Variants in PEX5L observed in about 807,000 individuals in gnomAD.
PEX5L encodes the protein PEX5-related protein.
A neutral mutation model predicts 84.0 loss-of-function variants in PEX5L; 30 were observed. That is an observed-to-expected ratio of 0.36 (90% CI 0.27 to 0.48). The LOEUF is 0.48. Among genes scored for constraint, PEX5L ranks in the 20% least tolerant of loss-of-function variants. The pLI, the probability that PEX5L is intolerant of heterozygous loss-of-function variation, is 0.99. For missense variants in PEX5L, 533 were observed against 754.6 expected, an observed-to-expected ratio of 0.71 and a Z score of 3.44; for synonymous variants, 270 against 283.1, an observed-to-expected ratio of 0.95 and a Z score of 0.46.
intron 8 of PEX5L, 136 bp from the exon 9 acceptor site, chr3:179,820,112 G>T: frequency 8.1e-7 from 1 of 1,237,490 alleles, no homozygotes; most frequent in Non-Finnish European, 1.1e-6. Context: ...TGATAGGCGT[G>T]GCTGAAGAGC....
intron 2 of PEX5L, among the ~76,000 whole-genome samples, chr3:179,903,098 T>A (rs914139484): frequency 6.6e-6 from 1 of 152,170 alleles, no homozygotes; most frequent in Admixed American, 6.5e-5. Flanking sequence ...AATTAAACAA[T>A]TTTTTAGGCT....
At chr3:180,036,462 C>T in intron 1 of PEX5L, 117 bp downstream of exon 1, 3 of 962,622 alleles carry the variant, frequency 3.1e-6, no homozygotes, top group Non-Finnish European at 3.4e-6. Context: ...GGTCATGTTG[C>T]ATCACTTCAC....
At chr3:179,866,297 T>C (rs769737975) in intron 7 of PEX5L, among the ~76,000 whole-genome samples, 1 of 152,174 alleles carries the variant, frequency 6.6e-6, no homozygotes, top group Non-Finnish European at 1.5e-5. Context: ...TGTTTAACTG[T>C]AGAAAAGAAA....
intron 8 of PEX5L, among the ~76,000 whole-genome samples, chr3:179,842,278 A>G (rs1281400720): frequency 6.6e-6 from 1 of 152,200 alleles, no homozygotes; most frequent in Non-Finnish European, 1.5e-5. Flanking sequence ...AAGCTCTGTA[A>G]CTAGGACGGG....
rs1372167222 is a variant in PEX5L at position 179,797,599 on chromosome 3, A to AT, written c.*4228_*4229insA. 4.6e-5 allele frequency: 5 copies of AT among 108,074 alleles called. No homozygotes were observed. Among genetic ancestry groups the AT allele is most frequent in the Admixed American group, 9.8e-5 (1 of 10,220 alleles). 6.7% of individuals were successfully genotyped at this position (108,074 alleles called of 1,614,324 possible). A position where few individuals can be genotyped will look rare whatever the true frequency, so the allele number is the denominator to read the frequency against. On this transcript the variant is annotated 3_prime_UTR_variant, in exon 15 of 15. Transcript: ENST00000467460. ...TCTATGAACACTCTTTAAAAAAAAA[A>AT]AAAAAAATATATATATATATATATA...
intron 14 of PEX5L, among the ~76,000 whole-genome samples, chr3:179,803,880 A>G (rs979440786): frequency 6.6e-6 from 1 of 152,214 alleles, no homozygotes; most frequent in Non-Finnish European, 1.5e-5. Flanking sequence ...AGGTGTTCTA[A>G]TCACCCCCTC....
At chr3:179,877,211 T>C (rs1486809211) in intron 5 of PEX5L, among the ~76,000 whole-genome samples, 2 of 152,248 alleles carry the variant, frequency 1.3e-5, no homozygotes, top group African/African-American at 4.8e-5. Flanking sequence ...ATCCATGTTG[T>C]AGCATGTAAG....
At chr3:179,975,318 A>G (rs73883448) in intron 1 of PEX5L, among the ~76,000 whole-genome samples, 12,365 of 152,316 alleles carry the variant, frequency 0.081, 810 homozygotes, top group African/African-American at 0.19. Flanking sequence ...TGAAAAATGA[A>G]GTAACTCCTG....
chr3:179,829,772 CTTTT>C (rs55899128), intron 8 of PEX5L, among the ~76,000 whole-genome samples: 41 of 120,898 alleles, frequency 3.4e-4, no homozygotes, highest in South Asian at 5.7e-4. Context: ...CTTGCTATAT[CTTTT>C]TTTTTTTTTT....
At chr3:179,898,395 AAAC>A (rs1760078511) in intron 2 of PEX5L, 149 bp from the exon 3 acceptor site, 2 of 483,434 alleles carry the variant, frequency 4.1e-6, no homozygotes, top group Non-Finnish European at 7.2e-6. Flanking sequence ...GCTGAGGAGA[AAAC>A]ACACAAAATC....
chr3:179,865,735 A>G (rs190668004), intron 7 of PEX5L, among the ~76,000 whole-genome samples: 66 of 152,284 alleles, frequency 4.3e-4, no homozygotes, highest in Non-Finnish European at 8.4e-4. Context: ...CCTTGTTAAA[A>G]TGCAGATTGC....
At chr3:180,021,325 T>C (rs1375067969) in intron 1 of PEX5L, among the ~76,000 whole-genome samples, 1 of 152,086 alleles carries the variant, frequency 6.6e-6, no homozygotes, top group Admixed American at 6.5e-5. Flanking sequence ...AACAGCAAAG[T>C]AGGGCTTATA....
chr3:179,803,486 CCTT>C (rs1719923565), intron 14 of PEX5L, among the ~76,000 whole-genome samples: 1 of 152,178 alleles, frequency 6.6e-6, no homozygotes, highest in Non-Finnish European at 1.5e-5. Context: ...TGTCTGAAGT[CCTT>C]CTAGCTCCTC....
intron 9 of PEX5L, among the ~76,000 whole-genome samples, chr3:179,818,848 CTTTTTT>C (rs78348936): frequency 9.7e-6 from 1 of 102,966 alleles, no homozygotes; most frequent in African/African-American, 3.0e-5. Context: ...CTTTTCTTTT[CTTTTTT>C]TTTTTTTTAA....
chr3:179,979,670 C>A (rs1786133728), intron 1 of PEX5L, among the ~76,000 whole-genome samples: 1 of 152,168 alleles, frequency 6.6e-6, no homozygotes, highest in African/African-American at 2.4e-5. Context: ...TCTCTCCCAT[C>A]CCCAACAGGA....
chr3:179,939,013 T>C (rs980180553), intron 2 of PEX5L, among the ~76,000 whole-genome samples: 1 of 152,216 alleles, frequency 6.6e-6, no homozygotes, highest in Non-Finnish European at 1.5e-5. Context: ...TGACCTGGTC[T>C]AGTAAATGGC....
At chr3:179,905,737 C>G (rs1322487319) in intron 2 of PEX5L, among the ~76,000 whole-genome samples, 1 of 152,110 alleles carries the variant, frequency 6.6e-6, no homozygotes, top group East Asian at 1.9e-4. Flanking sequence ...TGCCTGCAGA[C>G]TAAGCTCCTC....
intron 3 of PEX5L, among the ~76,000 whole-genome samples, chr3:179,896,707 G>A (rs1193536657): frequency 6.6e-6 from 1 of 152,074 alleles, no homozygotes; most frequent in Non-Finnish European, 1.5e-5. Context: ...TTGCAAATTT[G>A]GTTAGGTCTT....
chr3:179,906,680 T>C (rs1763334176), intron 2 of PEX5L, among the ~76,000 whole-genome samples: 1 of 152,234 alleles, frequency 6.6e-6, no homozygotes, highest in South Asian at 2.1e-4. Context: ...TTCAATTCCT[T>C]GTCAAATATC....
Sources: allele counts gnomAD v4.1 joint callset (sites outside exome capture counted in the v4.1 genomes callset), GRCh38; gene constraint gnomAD v4.1.1; transcripts MANE v1.5; gene names NCBI Gene and HGNC (gene_info 2026-07-23, HGNC 2026-07-21).